The following RSPO1 variants were observed in gnomAD, a reference collection of about 807,000 sequenced individuals.
RSPO1 encodes R-spondin-1.
RSPO1 carries 18 observed loss-of-function variants against 26.0 expected under a neutral mutation model. That is an observed-to-expected ratio of 0.69 (90% CI 0.48 to 1.03). The LOEUF (loss-of-function observed/expected upper bound fraction) is 1.03, where lower values mean the gene tolerates loss of function less well. Among genes scored for constraint, RSPO1 ranks in the 50% least tolerant of loss-of-function variants. The probability of loss-of-function intolerance (pLI) is 0.00; values close to 1 mark genes in which losing one functional copy is unlikely to be tolerated. For missense variants in RSPO1, 309 were observed against 352.3 expected (o/e 0.88, Z 0.98); for synonymous variants, 133 against 137.4 (o/e 0.97, Z 0.22).
chr1:37,634,317 A>T lies in RSPO1; in HGVS notation c.-356+249T>A, dbSNP rs1557443297. Reference sequence around the variant, plus strand: ...GAGGATGATCACCCGGGGCTGCGGGATGGAGGGGAGTTCGAGGGGAAGAGG... The same window carrying T: ...GAGGATGATCACCCGGGGCTGCGGGTTGGAGGGGAGTTCGAGGGGAAGAGG... On this transcript the variant is annotated intron_variant, in intron 1 of 6. Coordinates refer to ENST00000356545, the MANE Select transcript of RSPO1 (RefSeq NM_001242908.2). This position sits in a 1 kb window ranked among gnomAD's most constrained non-coding sequence, Gnocchi z 4.7. Among the ~76,000 whole-genome samples the T allele has an allele frequency of 1.3e-5, 2 of 152,202 alleles. No individual in the cohort carries two copies. The highest frequency in any genetic ancestry group is 2.1e-4 in the South Asian group (1 of 4,810).
rs567439948 is a variant in RSPO1 at position 37,631,763 on chromosome 1, C to T, written c.-289+524G>A. The T allele has an allele frequency of 8.9e-4, 136 of 152,322 alleles. 1 individual carries two copies. Among genetic ancestry groups the T allele is most frequent in the African/African-American group, 3.0e-3 (125 of 41,560 alleles). The allele number at this position is 152,322 out of a possible 1,614,324, so 9.4% of individuals were successfully genotyped here. ...ATAATATTTGCTGTATTTGTTATGA[C>T]CAAAGCTTCACTTTGTGTCTACATT... On this transcript the variant is annotated intron_variant, in intron 2 of 6. Transcript: ENST00000356545.
chr1:37,616,011 G>A (rs1644105045), intron 4 of RSPO1, among the ~76,000 whole-genome samples: 1 of 152,172 alleles, frequency 6.6e-6, no homozygotes, highest in Non-Finnish European at 1.5e-5. Context: ...ATGGGGTAGG[G>A]TGTGTGTCTC....
At chr1:37,633,072 G>T (rs1361938524) in intron 1 of RSPO1, among the ~76,000 whole-genome samples, 1 of 152,236 alleles carries the variant, frequency 6.6e-6, no homozygotes, top group Non-Finnish European at 1.5e-5. Context: ...ATTCACACTT[G>T]TTAGATGCCT....
At chr1:37,628,216 T>A (rs1291036480) in intron 3 of RSPO1, among the ~76,000 whole-genome samples, 1 of 152,098 alleles carries the variant, frequency 6.6e-6, no homozygotes, top group African/African-American at 2.4e-5. Flanking sequence ...ATTTCGGAAA[T>A]AGAGGAGACC....
intron 3 of RSPO1, among the ~76,000 whole-genome samples, chr1:37,619,225 G>GACAAA (rs1350402686): frequency 6.6e-6 from 1 of 152,148 alleles, no homozygotes; most frequent in East Asian, 1.9e-4. Flanking sequence ...TGTCTCAAAA[G>GACAAA]ACAAAACAAA....
chr1:37,630,911 C>A (rs953074510), intron 2 of RSPO1, among the ~76,000 whole-genome samples: 4 of 152,366 alleles, frequency 2.6e-5, no homozygotes, highest in Non-Finnish European at 5.9e-5. Flanking sequence ...GGAGCCATCA[C>A]CTTCCCCTCC....
At chr1:37,617,660 TCAAAAAA>T (rs1644136278) in intron 3 of RSPO1, among the ~76,000 whole-genome samples, 1 of 16,608 alleles carries the variant, frequency 6.0e-5, no homozygotes, top group African/African-American at 2.7e-4. Flanking sequence ...AGACTCCATC[TCAAAAAA>T]AAAAAAAAAA....
chr1:37,626,449 C>T (rs1294557506), intron 3 of RSPO1, among the ~76,000 whole-genome samples: 5 of 152,196 alleles, frequency 3.3e-5, no homozygotes, highest in Non-Finnish European at 7.3e-5. Context: ...CCCAACTCCC[C>T]GGGGCTGTCC....
intron 4 of RSPO1, among the ~76,000 whole-genome samples, chr1:37,616,258 G>T (rs1297723457): frequency 6.6e-6 from 1 of 152,118 alleles, no homozygotes; most frequent in African/African-American, 2.4e-5. Flanking sequence ...GACATGGAGG[G>T]TGACCTCTGG....
chr1:37,616,755 A>T lies in RSPO1; in HGVS notation c.95-80T>A, dbSNP rs1038458919. 68 of 1,280,262 alleles carry T rather than the reference A, an allele frequency of 5.3e-5. No homozygotes were observed. The Admixed American group carries it at 1.1e-3, about 21-fold the overall frequency. 79.3% of individuals were successfully genotyped at this position (1,280,262 alleles called of 1,614,324 possible). A position where few individuals can be genotyped will look rare whatever the true frequency, so the allele number is the denominator to read the frequency against. ...CAGATTCTGACAAGGATGGGAAGTG[A>T]ATAGATCGATGTTTCCTTCCACAGA... On this transcript the variant is annotated intron_variant, in intron 3 of 6. Transcript: ENST00000356545.
chr1:37,617,563 A>G (rs1275274435), intron 3 of RSPO1, among the ~76,000 whole-genome samples: 4 of 150,040 alleles, frequency 2.7e-5, no homozygotes, highest in African/African-American at 9.8e-5. Flanking sequence ...AGAGGCTGAG[A>G]CAGGAGAATA....
In RSPO1 at chr1:37,634,028, C is replaced by A. The variant is rs1188245588; in HGVS notation, c.-356+538G>T. On this transcript the variant is annotated intron_variant, in intron 1 of 6. Coordinates refer to ENST00000356545, the MANE Select transcript of RSPO1 (RefSeq NM_001242908.2). This position sits in a 1 kb window ranked among gnomAD's most constrained non-coding sequence, Gnocchi z 4.7. The stretch of plus-strand genomic sequence containing the variant: ...TCCCGGGCGAACATAGCCCCCACCT[C>A]TCCCCAACTAAGCGATACCATCGGT... 6.6e-6 allele frequency among the ~76,000 whole-genome samples: 1 copy of A among 152,202 alleles called. No individual in the cohort carries two copies. The highest frequency in any genetic ancestry group is 1.5e-5 in the Non-Finnish European group (1 of 68,024).
In RSPO1 at chr1:37,629,847, G is replaced by C; in HGVS notation, c.-186C>G. Reference sequence around the variant, plus strand: ...GTGTGGGGAGCCCAGTTCTCCATCAGCTCAAAGGGAGGTCCTCAAAGAGAG... The same window carrying C: ...GTGTGGGGAGCCCAGTTCTCCATCACCTCAAAGGGAGGTCCTCAAAGAGAG... On this transcript the variant is annotated 5_prime_UTR_variant, in exon 3 of 7. Coordinates refer to ENST00000356545, the MANE Select transcript of RSPO1 (RefSeq NM_001242908.2). The C allele has an allele frequency of 6.4e-7, 1 of 1,550,940 alleles. No homozygotes were observed. The highest frequency in any genetic ancestry group is 8.7e-7 in the Non-Finnish European group (1 of 1,146,858).
At position 37,628,745 on chromosome 1, in the gene RSPO1, G is replaced by A. The variant is rs144712844; in HGVS notation, c.94+823C>T. Reference sequence around the variant, plus strand: ...ATTACCCTTGACCTCCATCAAATTCGGCTTTCAAGAAGACTGGGCCCACAG... The same window carrying A: ...ATTACCCTTGACCTCCATCAAATTCAGCTTTCAAGAAGACTGGGCCCACAG... On this transcript the variant is annotated intron_variant, in intron 3 of 6. Coordinates refer to ENST00000356545, the MANE Select transcript of RSPO1 (RefSeq NM_001242908.2). 2.4e-3 allele frequency among the ~76,000 whole-genome samples: 361 copies of A among 152,294 alleles called. 1 individual carries two copies. The highest frequency in any genetic ancestry group is 0.016 in the South Asian group (78 of 4,832).
Position 37,612,656 on chromosome 1 carries a change from G to T in RSPO1, c.*99C>A. 2 of 1,245,204 alleles carry T rather than the reference G, an allele frequency of 1.6e-6. No individual in the cohort carries two copies. The highest frequency in any genetic ancestry group is 2.3e-6 in the Non-Finnish European group (2 of 858,908). The allele number at this position is 1,245,204 out of a possible 1,614,324, so 77.1% of individuals were successfully genotyped here. On this transcript the variant is annotated 3_prime_UTR_variant, in exon 7 of 7. Transcript: ENST00000356545. Reference sequence around the variant, plus strand: ...TATGCATGGATGGATTGGAGTGTGTGTGTATGCTTTGCCCCCGACGTTCCA... The same window carrying T: ...TATGCATGGATGGATTGGAGTGTGTTTGTATGCTTTGCCCCCGACGTTCCA...
chr1:37,616,716 G>C (rs1212079872), intron 3 of RSPO1, 41 bp from the exon 4 acceptor site: 17 of 1,544,108 alleles, frequency 1.1e-5, no homozygotes, highest in Non-Finnish European at 1.5e-5. Context: ...GCTGTGGAGA[G>C]AACCTCACCT....
intron 2 of RSPO1, among the ~76,000 whole-genome samples, chr1:37,630,331 T>C (rs1409732388): frequency 6.6e-6 from 1 of 152,170 alleles, no homozygotes; most frequent in African/African-American, 2.4e-5. Flanking sequence ...AGGAGCTCTC[T>C]CTCTCTCTCT....
At position 37,616,569 on chromosome 1, in the gene RSPO1, G is replaced by T. The variant is rs767375391; in HGVS notation, c.201C>A (p.Asn67Lys). 34 of 1,614,052 alleles carry T rather than the reference G, an allele frequency of 2.1e-5. No individual in the cohort carries two copies. Among genetic ancestry groups the T allele is most frequent in the Non-Finnish European group, 2.9e-5 (34 of 1,180,040 alleles). Residue 67 changes from asparagine to lysine, a missense_variant, in exon 4 of 7, where the codon AAC (asparagine) becomes AAA (lysine). By Grantham distance (94) the Asn-to-Lys change is moderately conservative. Coordinates refer to ENST00000356545, the MANE Select transcript of RSPO1 (RefSeq NM_001242908.2). The stretch of plus-strand genomic sequence containing the variant: ...AGCAGACGCCCACCTGGCGGATGTC[G>T]TTCCTCTCCAGCAGGATGAACAGCT... ...SPKLFILLER[N>K]DIRQVGVCLP...
rs1315698703 is a variant in RSPO1 at position 37,629,771 on chromosome 1, GGCCT to G, written c.-114_-111del. 6.4e-7 allele frequency: 1 copy of G among 1,555,178 alleles called. No homozygotes were observed. Among genetic ancestry groups the G allele is most frequent in the Non-Finnish European group, 8.7e-7 (1 of 1,149,002 alleles). On this transcript the variant is annotated 5_prime_UTR_variant, in exon 3 of 7. An upstream open reading frame in the 5' UTR gains an earlier in-frame stop. Transcript: ENST00000356545. ...GGCTGGGTCAGCAGCAGGAGGCCCA[GGCCT>G]GGGCCGTAGCCCAAATCCACCATAA...
Sources: gnomAD v4.1 joint callset for allele counts (sites outside exome capture counted in the v4.1 genomes callset) on GRCh38, gnomAD v4.1.1 for gene constraint, Gnocchi (gnomAD v3.1) non-coding constraint, MANE v1.5 for transcripts, NCBI Gene and HGNC (gene_info 2026-07-23, HGNC 2026-07-21) for gene names.